AP4S1: variants seen among roughly 807,000 people sequenced by gnomAD.
AP4S1 encodes AP-4 complex subunit sigma-1.
In AP4S1, 23 loss-of-function variants were observed where a neutral mutation model predicts 19.8. That is an observed-to-expected ratio of 1.16 (90% CI 0.84 to 1.65). The LOEUF (loss-of-function observed/expected upper bound fraction) is 1.65, where lower values mean the gene tolerates loss of function less well. AP4S1 is among the 40% of genes most tolerant of loss of function. AP4S1 has a pLI of 0.00. For synonymous variants in AP4S1, 46 were observed against 54.1 expected, an observed-to-expected ratio of 0.85 and a Z score of 0.66; for missense variants, 166 against 172.8, an observed-to-expected ratio of 0.96 and a Z score of 0.22.
chr14:31,073,443 T>G (rs1426806793), intron 4 of AP4S1, among the ~76,000 whole-genome samples: 3 of 139,434 alleles, frequency 2.2e-5, no homozygotes, highest in African/African-American at 7.7e-5. Flanking sequence ...TGAGCCGAGA[T>G]CCCGCCACTG....
At chr14:31,087,940 C>T (rs542707242) in intron 5 of AP4S1, among the ~76,000 whole-genome samples, 1 of 152,304 alleles carries the variant, frequency 6.6e-6, no homozygotes, top group South Asian at 2.1e-4. Context: ...TGGAAAGCCT[C>T]GTTGCCAGAG....
chr14:31,076,815 G>A (rs8007102), intron 4 of AP4S1, among the ~76,000 whole-genome samples: 6,824 of 152,212 alleles, frequency 0.045, 201 homozygotes, highest in Middle Eastern at 0.078. Flanking sequence ...TATCAAGTTC[G>A]AAACTCACCA....
At chr14:31,065,938 G>T (rs1357284896) in intron 1 of AP4S1, among the ~76,000 whole-genome samples, 188 bp from the exon 2 acceptor site, 1 of 152,134 alleles carries the variant, frequency 6.6e-6, no homozygotes, top group African/African-American at 2.4e-5. Flanking sequence ...GGAATTACAG[G>T]CATGAGCCAC....
chr14:31,049,474 T>TACACACACACACACACACAC (rs1165169644), intron 1 of AP4S1, among the ~76,000 whole-genome samples: 624 of 57,134 alleles, frequency 0.011, 6 homozygotes, highest in South Asian at 0.017. Context: ...TATATATATG[T>TACACACACACACACACACAC]ACACACACAC....
intron 1 of AP4S1, among the ~76,000 whole-genome samples, chr14:31,041,789 T>G (rs1037410098): frequency 6.6e-6 from 1 of 152,262 alleles, no homozygotes; most frequent in African/African-American, 2.4e-5. Context: ...TTGCCATTTC[T>G]AACCTATACC....
rs138760433 is a variant in AP4S1, at chr14:31,046,420, T to C, written c.-71-19706T>C. On this transcript the variant is annotated intron_variant, in intron 1 of 5. Transcript: ENST00000542754. ...TTCTGCATCTGGCTTCTTTCACTTA[T>C]TATTTTTAAGGTTCATGCATTTTGT... Among the ~76,000 whole-genome samples the C allele has an allele frequency of 3.5e-3, 538 of 152,350 alleles. 6 individuals carry two copies. The highest frequency in any genetic ancestry group is 0.019 in the Admixed American group (293 of 15,294).
At chr14:31,025,910 T>C (rs1883854462) in intron 1 of AP4S1, 123 bp downstream of exon 1, 2 of 1,600,592 alleles carry the variant, frequency 1.2e-6, no homozygotes, top group African/African-American at 2.7e-5. Flanking sequence ...GTACCTGCAG[T>C]TCGGCCCGTT....
At chr14:31,032,786 G>A (rs1351629768) in intron 1 of AP4S1, among the ~76,000 whole-genome samples, 2 of 151,724 alleles carry the variant, frequency 1.3e-5, no homozygotes, top group African/African-American at 2.4e-5. Context: ...CGCCCGCCTC[G>A]GCCTCCCAAA....
At chr14:31,061,349 A>G (rs1886428334) in intron 1 of AP4S1, among the ~76,000 whole-genome samples, 1 of 152,142 alleles carries the variant, frequency 6.6e-6, no homozygotes, top group Non-Finnish European at 1.5e-5. Flanking sequence ...ACAAGCATGG[A>G]TGCCTCATCA....
In AP4S1 at chr14:31,080,624, A is replaced by G. The variant is rs757190469; in HGVS notation, c.306+40A>G. 12 of 1,613,570 alleles carry G rather than the reference A, an allele frequency of 7.4e-6. No individual in the cohort carries two copies. The highest frequency in any genetic ancestry group is 1.1e-5 in the South Asian group (1 of 91,064). ...TACTGTTTTCCACAGTACTTGGCAA[A>G]TGCACTCTGGTCCTTATCAGGTAAG... On this transcript the variant is annotated intron_variant, in intron 5 of 5. Transcript: ENST00000542754.
chr14:31,077,657 T>G (rs1470265919), intron 4 of AP4S1, among the ~76,000 whole-genome samples: 1 of 152,192 alleles, frequency 6.6e-6, no homozygotes, highest in Non-Finnish European at 1.5e-5. Flanking sequence ...TGATTCTGGT[T>G]TCTGGTACAT....
intron 5 of AP4S1, chr14:31,085,844 G>C: frequency 1.0e-6 from 1 of 984,628 alleles, no homozygotes. Context: ...CAAAGACTGA[G>C]CAGTTGATTC....
chr14:31,051,873 C>T (rs1485851283), intron 1 of AP4S1, among the ~76,000 whole-genome samples: 1 of 152,140 alleles, frequency 6.6e-6, no homozygotes. Flanking sequence ...GTTGGCCAAG[C>T]TGGTTTCAAA....
chr14:31,036,883 G>A (rs1407152012), intron 1 of AP4S1, among the ~76,000 whole-genome samples: 2 of 151,900 alleles, frequency 1.3e-5, no homozygotes, highest in Non-Finnish European at 2.9e-5. Context: ...GTGCAATCTC[G>A]GCTCCTGTAA....
At chr14:31,083,029 TGAGA>T (rs937093211) in intron 5 of AP4S1, among the ~76,000 whole-genome samples, 1 of 152,176 alleles carries the variant, frequency 6.6e-6, no homozygotes, top group Non-Finnish European at 1.5e-5. Context: ...GACTAGATAT[TGAGA>T]GAGTTAACGT....
In AP4S1 at chr14:31,091,064, G is replaced by A. The variant is rs796952900; in HGVS notation, c.307-1843G>A. On this transcript the variant is annotated intron_variant, in intron 5 of 5. Transcript: ENST00000542754. ...ATGTGGGGATGTCAGTGGTTTATATGATTTAGCAGTAAATTCTGATCTGAA... is the reference window on the plus strand; with the variant it reads ...ATGTGGGGATGTCAGTGGTTTATATAATTTAGCAGTAAATTCTGATCTGAA... Among the ~76,000 whole-genome samples, 5 of 152,280 alleles carry A rather than the reference G, an allele frequency of 3.3e-5. 1 individual carries two copies. Among genetic ancestry groups the A allele is most frequent in the African/African-American group, 1.2e-4 (5 of 41,568 alleles).
At chr14:31,047,098 G>T (rs1488943474) in intron 1 of AP4S1, among the ~76,000 whole-genome samples, 1 of 152,112 alleles carries the variant, frequency 6.6e-6, no homozygotes, top group Non-Finnish European at 1.5e-5. Flanking sequence ...TTTTCCCAAT[G>T]ATTAAGGGTG....
intron 3 of AP4S1, among the ~76,000 whole-genome samples, chr14:31,072,651 A>G (rs1887076899): frequency 6.6e-6 from 1 of 152,092 alleles, no homozygotes; most frequent in African/African-American, 2.4e-5. Context: ...GATTACGGAT[A>G]TGAACCATCA....
Position 31,080,559 on chromosome 14 carries a change from T to A in AP4S1, c.295-14T>A. The stretch of plus-strand genomic sequence containing the variant: ...TCTTTTTTCTAACCCTTGCACTCTT[T>A]TTCTGTCTTCCAGAGTGAATTAGAT... On this transcript the variant is annotated splice_polypyrimidine_tract_variant and intron_variant, in intron 4 of 5. Transcript: ENST00000542754. 6.2e-7 allele frequency: 1 copy of A among 1,607,830 alleles called. No individual in the cohort carries two copies. The highest frequency in any genetic ancestry group is 8.5e-7 in the Non-Finnish European group (1 of 1,174,478).
Sources: gnomAD v4.1 joint callset for allele counts (sites outside exome capture counted in the v4.1 genomes callset) on GRCh38, gnomAD v4.1.1 for gene constraint, MANE v1.5 for transcripts, NCBI Gene and HGNC (gene_info 2026-07-23, HGNC 2026-07-21) for gene names.